The following TUSC3 variants were observed in gnomAD, a reference collection of about 807,000 sequenced individuals.
TUSC3 encodes the protein dolichyl-diphosphooligosaccharide--protein glycosyltransferase subunit TUSC3.
In TUSC3, 45 loss-of-function variants were observed where a neutral mutation model predicts 44.8. The observed-to-expected ratio is 1.00, with a 90% CI of 0.79 to 1.29. TUSC3 has a LOEUF of 1.29. Ranked by LOEUF, TUSC3 falls within the 50% of genes most tolerant of loss-of-function variation. TUSC3 has a pLI of 0.00. For missense variants in TUSC3, 519 were observed against 437.9 expected (o/e 1.19, Z -1.65); for synonymous variants, 212 against 152.9 (o/e 1.39, Z -2.85).
intron 1 of TUSC3, among the ~76,000 whole-genome samples, chr8:15,481,869 G>T (rs1563262557): frequency 1.3e-5 from 2 of 152,136 alleles, no homozygotes; most frequent in Non-Finnish European, 2.9e-5. Context: ...GGTGGCTGTG[G>T]CAAATTCTGA....
chr8:15,696,184 G>C (rs1271902600), intron 6 of TUSC3, among the ~76,000 whole-genome samples: 3 of 152,152 alleles, frequency 2.0e-5, no homozygotes, highest in Admixed American at 2.0e-4. Flanking sequence ...AGTTTCGTGG[G>C]CTGGGCTCAG....
At chr8:15,840,113 A>C in the TUSC3 span, among the ~76,000 whole-genome samples, 1 of 152,216 alleles carries the variant, frequency 6.6e-6, no homozygotes, top group Non-Finnish European at 1.5e-5. Context: ...CATTCTCAGC[A>C]AACTATCGCA....
intron 2 of TUSC3, among the ~76,000 whole-genome samples, chr8:15,486,314 A>T (rs1800731960): frequency 6.6e-6 from 1 of 152,196 alleles, no homozygotes; most frequent in African/African-American, 2.4e-5. Context: ...TTTCAGGGAT[A>T]AGTGGTAATT....
chr8:15,696,867 G>C (rs1323528549), intron 6 of TUSC3, among the ~76,000 whole-genome samples: 2 of 152,104 alleles, frequency 1.3e-5, no homozygotes, highest in African/African-American at 4.8e-5. Context: ...AGTAGAATTG[G>C]CACCAATTCT....
chr8:15,830,871 TAACA>T, the TUSC3 span, among the ~76,000 whole-genome samples: 11 of 152,160 alleles, frequency 7.2e-5, no homozygotes, highest in African/African-American at 2.7e-4. Flanking sequence ...TATAGCCATA[TAACA>T]AACCTGTGCA....
chr8:15,727,997 C>G (rs1161609541), intron 6 of TUSC3, among the ~76,000 whole-genome samples: 1 of 152,098 alleles, frequency 6.6e-6, no homozygotes, highest in Admixed American at 6.6e-5. Context: ...CTTATGTATA[C>G]AAGAAATAAG....
intron 10 of TUSC3, among the ~76,000 whole-genome samples, chr8:15,759,352 T>A (rs352802): frequency 0.88 from 134,056 of 152,028 alleles, 59,307 homozygotes; most frequent in East Asian, 0.98. Flanking sequence ...AGTGCACAAA[T>A]ATGTTCTGTC....
chr8:15,768,408 G>T (rs899250373), downstream of TUSC3, among the ~76,000 whole-genome samples: 2 of 152,046 alleles, frequency 1.3e-5, no homozygotes, highest in Admixed American at 1.3e-4. Context: ...TTTAAAACAT[G>T]AGGCATATGA....
chr8:15,592,394 A>G (rs2129150841), intron 1 of TUSC3, among the ~76,000 whole-genome samples: 1 of 152,234 alleles, frequency 6.6e-6, no homozygotes, highest in African/African-American at 2.4e-5. Context: ...ATGTGATCCC[A>G]ATGTTGGAGG....
downstream of TUSC3, among the ~76,000 whole-genome samples, chr8:15,771,145 G>A (rs1440242011): frequency 2.6e-5 from 4 of 152,074 alleles, no homozygotes; most frequent in African/African-American, 9.7e-5. Flanking sequence ...TTCTGTACCT[G>A]GCAAAGTTAT....
intron 6 of TUSC3, among the ~76,000 whole-genome samples, chr8:15,723,593 C>T (rs528160899): frequency 6.6e-6 from 1 of 152,000 alleles, no homozygotes; most frequent in East Asian, 1.9e-4. Context: ...ATCACATCTG[C>T]CATTTGGTGT....
Position 15,589,061 on chromosome 8 carries a change from G to A in TUSC3, c.139-34019G>A, listed in dbSNP as rs143544992. Among the ~76,000 whole-genome samples the A allele has an allele frequency of 4.7e-4, 71 of 152,072 alleles. No individual in the cohort carries two copies. In the East Asian group the frequency reaches 9.5e-3, roughly 20 times the overall value. ...GGAGTGCAGTTTATCATTATGCAAC[G>A]ACTTTCTTTGTCTCTTCTTATTTTC... is the stretch of plus-strand genomic sequence containing the variant. On this transcript the variant is annotated intron_variant, in intron 1 of 10. Transcript: ENST00000503731.
intron 1 of TUSC3, among the ~76,000 whole-genome samples, chr8:15,564,966 A>C (rs1010762952): frequency 6.6e-6 from 1 of 152,166 alleles, no homozygotes; most frequent in Non-Finnish European, 1.5e-5. Flanking sequence ...TGAGGTTTGA[A>C]GCATTGTTCA....
intron 2 of TUSC3, among the ~76,000 whole-genome samples, chr8:15,639,109 C>T (rs533847356): frequency 4.3e-4 from 63 of 147,986 alleles, no homozygotes; most frequent in Middle Eastern, 3.6e-3. Flanking sequence ...TGATGATGAT[C>T]ATGTGTCGAT....
At chr8:15,715,664 A>AGGG (rs546488962) in intron 6 of TUSC3, among the ~76,000 whole-genome samples, 1 of 152,002 alleles carries the variant, frequency 6.6e-6, no homozygotes, top group African/African-American at 2.4e-5. Flanking sequence ...ACCAAAGATA[A>AGGG]GGGGGGACTA....
At chr8:15,666,763 G>A (rs1171592471) in intron 5 of TUSC3, among the ~76,000 whole-genome samples, 2 of 151,066 alleles carry the variant, frequency 1.3e-5, no homozygotes, top group Non-Finnish European at 3.0e-5. Context: ...GTTTTTGGAT[G>A]GCCCCAGACA....
At chr8:15,528,077 G>A (rs1370308416) in intron 2 of TUSC3, among the ~76,000 whole-genome samples, 1 of 151,982 alleles carries the variant, frequency 6.6e-6, no homozygotes, top group Non-Finnish European at 1.5e-5. Context: ...AACTCTTACA[G>A]GAAACCAGCT....
At chr8:15,823,224 C>T in the TUSC3 span, among the ~76,000 whole-genome samples, 1 of 152,180 alleles carries the variant, frequency 6.6e-6, no homozygotes, top group Non-Finnish European at 1.5e-5. Flanking sequence ...TTCCGGAGCG[C>T]TACCCAAAAG....
At chr8:15,441,740 T>G (rs1022780325) in intron 1 of TUSC3, among the ~76,000 whole-genome samples, 1 of 151,816 alleles carries the variant, frequency 6.6e-6, no homozygotes, top group African/African-American at 2.4e-5. Context: ...ACAGGGGGTA[T>G]GTATTGAAGC....
Sources: allele counts gnomAD v4.1 joint callset (sites outside exome capture counted in the v4.1 genomes callset), GRCh38; gene constraint gnomAD v4.1.1; transcripts MANE v1.5; gene names NCBI Gene and HGNC (gene_info 2026-07-23, HGNC 2026-07-21).